Variants in SFXN5 observed in about 807,000 individuals in gnomAD.
SFXN5 encodes sideroflexin 5, also known as sideroflexin-5.
Under a neutral mutation model 50.2 loss-of-function variants are expected in SFXN5, and 43 were observed. The ratio of observed to expected loss-of-function variants is 0.86; its 90% CI spans 0.67 to 1.11. The LOEUF is 1.11. SFXN5 is among the 50% of genes least tolerant of loss of function. The pLI is 0.00. For synonymous variants in SFXN5, 203 were observed against 185.8 expected (o/e 1.09, Z -0.75); for missense variants, 463 against 454.1 (o/e 1.02, Z -0.18).
intron 2 of SFXN5, among the ~76,000 whole-genome samples, chr2:73,045,062 G>A (rs1574216113): frequency 2.0e-5 from 3 of 152,332 alleles, no homozygotes; most frequent in Admixed American, 2.0e-4. Context: ...TTCTTGGAGA[G>A]ACCAGGCCCT....
chr2:72,954,017 G>A (rs1672812940), intron 13 of SFXN5, among the ~76,000 whole-genome samples: 1 of 152,150 alleles, frequency 6.6e-6, no homozygotes, highest in Admixed American at 6.5e-5. Flanking sequence ...AGCTGTAAGT[G>A]GGGAGGCAGG....
intron 1 of SFXN5, among the ~76,000 whole-genome samples, chr2:73,066,295 C>A (rs887549105): frequency 2.0e-5 from 3 of 152,112 alleles, no homozygotes; most frequent in Non-Finnish European, 4.4e-5. Flanking sequence ...TGGTAGCTCA[C>A]GCCTGTAACC....
chr2:72,956,857 T>C (rs1292950640), intron 13 of SFXN5: 8 of 351,642 alleles, frequency 2.3e-5, no homozygotes, highest in South Asian at 1.5e-4. Context: ...TCTCCCACAG[T>C]TCCCCATCTT....
At chr2:73,021,868 T>C (rs1676943905) in intron 5 of SFXN5, among the ~76,000 whole-genome samples, 1 of 152,172 alleles carries the variant, frequency 6.6e-6, no homozygotes. Context: ...CCAGCCTAGC[T>C]CGTGTACATG....
At chr2:73,007,464 T>G (rs187938214) in intron 6 of SFXN5, among the ~76,000 whole-genome samples, 100 of 152,194 alleles carry the variant, frequency 6.6e-4, no homozygotes, top group South Asian at 1.5e-3. Flanking sequence ...TCCTCCAGGA[T>G]GTCTCCTCTG....
In SFXN5 at chr2:72,945,021, C is replaced by T; in HGVS notation, c.*1G>A. Reference sequence around the variant, plus strand: ...CTCCGTCCCCAGGCCGCTGACCACACTCACAACCCCTTGTTGTACACCACT... The same window carrying T: ...CTCCGTCCCCAGGCCGCTGACCACATTCACAACCCCTTGTTGTACACCACT... On this transcript the variant is annotated 3_prime_UTR_variant, in exon 14 of 14. Transcript: ENST00000272433. This position sits in a 1 kb window ranked among gnomAD's most constrained non-coding sequence, Gnocchi z 5.8. The T allele has an allele frequency of 6.2e-7, 1 of 1,613,666 alleles. No individual in the cohort carries two copies. Among genetic ancestry groups the T allele is most frequent in the South Asian group, 1.1e-5 (1 of 90,956 alleles).
intron 6 of SFXN5, among the ~76,000 whole-genome samples, chr2:73,004,190 C>T (rs1674293563): frequency 1.3e-5 from 2 of 152,112 alleles, no homozygotes; most frequent in South Asian, 2.1e-4. Context: ...AGCTCATCCC[C>T]TTGAGCGCAG....
At chr2:72,988,392 T>A in intron 9 of SFXN5, 44 bp from the exon 10 acceptor site, 1 of 1,554,346 alleles carries the variant, frequency 6.4e-7, no homozygotes, top group Non-Finnish European at 8.8e-7. Context: ...TACATGATGC[T>A]GCAGTGGCTT....
At chr2:72,976,863 T>G (rs1378155013) in intron 10 of SFXN5, among the ~76,000 whole-genome samples, 1 of 152,190 alleles carries the variant, frequency 6.6e-6, no homozygotes, top group African/African-American at 2.4e-5. Context: ...TATGGGGACC[T>G]GGAAAGTGAT....
chr2:73,017,162 A>G (rs1676267270), intron 6 of SFXN5, among the ~76,000 whole-genome samples: 1 of 151,432 alleles, frequency 6.6e-6, no homozygotes, highest in South Asian at 2.1e-4. Context: ...TACATTTTAT[A>G]TAAGAAAAAA....
At chr2:73,025,843 C>A (rs1677479064) in intron 3 of SFXN5, among the ~76,000 whole-genome samples, 1 of 152,152 alleles carries the variant, frequency 6.6e-6, no homozygotes, top group Non-Finnish European at 1.5e-5. Flanking sequence ...AAGTCCCCAT[C>A]CAGGTGATGG....
intron 13 of SFXN5, chr2:72,956,968 C>G: frequency 2.2e-6 from 1 of 456,642 alleles, no homozygotes. Flanking sequence ...TCCTAGTCCC[C>G]TCTGCACTCA....
Position 72,953,186 on chromosome 2 carries a change from C to A in SFXN5, c.945+7945G>T, listed in dbSNP as rs531900504. Among the ~76,000 whole-genome samples the A allele has an allele frequency of 3.3e-5, 5 of 152,238 alleles. No homozygotes were observed. Among genetic ancestry groups the A allele is most frequent in the South Asian group, 2.1e-4 (1 of 4,824 alleles). ...GGCGTTGGCGTTCCTGGGCTCTGAG[C>A]GGCTTTGCCATTCCCATCCATCCCT... On this transcript the variant is annotated intron_variant, in intron 13 of 13. Coordinates refer to ENST00000272433, the MANE Select transcript of SFXN5 (RefSeq NM_144579.3). The surrounding 1 kb of genome is among the most constrained non-coding windows in gnomAD (Gnocchi z 4.1).
At chr2:72,978,954 G>C (rs1670970566) in intron 10 of SFXN5, among the ~76,000 whole-genome samples, 1 of 152,142 alleles carries the variant, frequency 6.6e-6, no homozygotes, top group South Asian at 2.1e-4. Context: ...AATAATGAGA[G>C]ACTGAAAACA....
intron 6 of SFXN5, among the ~76,000 whole-genome samples, chr2:73,007,948 C>T (rs1674934114): frequency 6.6e-6 from 1 of 152,176 alleles, no homozygotes; most frequent in Admixed American, 6.5e-5. Context: ...AGCGACACCT[C>T]CTGTGTGGTG....
At chr2:73,039,727 T>A (rs1337130574) in intron 3 of SFXN5, among the ~76,000 whole-genome samples, 1 of 152,180 alleles carries the variant, frequency 6.6e-6, no homozygotes, top group Admixed American at 6.5e-5. Context: ...GGAACAGGCA[T>A]GGGAACTGGG....
intron 2 of SFXN5, among the ~76,000 whole-genome samples, chr2:73,052,856 C>T (rs1681556654): frequency 6.6e-6 from 1 of 152,194 alleles, no homozygotes; most frequent in African/African-American, 2.4e-5. Context: ...ACACTGCACC[C>T]TGGCAAGGAG....
intron 12 of SFXN5, among the ~76,000 whole-genome samples, chr2:72,966,087 C>T (rs1674366475): frequency 6.6e-6 from 1 of 152,180 alleles, no homozygotes; most frequent in Non-Finnish European, 1.5e-5. Context: ...CTCCCAGGCT[C>T]CCTCAGTTGC....
chr2:72,968,406 C>CA, intron 12 of SFXN5, 42 bp downstream of exon 12: 1 of 1,583,732 alleles, frequency 6.3e-7, no homozygotes, highest in Non-Finnish European at 8.6e-7. Context: ...TCTCCCCCTC[C>CA]TCCCCCATGG....
Sources: gnomAD v4.1 joint callset for allele counts (sites outside exome capture counted in the v4.1 genomes callset) on GRCh38, gnomAD v4.1.1 for gene constraint, Gnocchi (gnomAD v3.1) non-coding constraint, MANE v1.5 for transcripts, NCBI Gene and HGNC (gene_info 2026-07-23, HGNC 2026-07-21) for gene names.